CIRSR: variants seen among roughly 807,000 people sequenced by gnomAD.
The protein encoded by CIRSR is corepressor of RBPJ and splicing regulator.
the CIRSR span, chr2:174,380,505 G>T: frequency 1.3e-6 from 1 of 760,530 alleles, no homozygotes. Context: ...CAGATTAGTT[G>T]AATAAGACAG....
At chr2:174,353,790 T>C in the CIRSR span, among the ~76,000 whole-genome samples, 4 of 152,158 alleles carry the variant, frequency 2.6e-5, no homozygotes, top group Middle Eastern at 3.2e-3. Context: ...AAATGAATAA[T>C]AGAATGTTTA....
the CIRSR span, among the ~76,000 whole-genome samples, chr2:174,376,893 G>GT: frequency 6.6e-6 from 1 of 151,526 alleles, no homozygotes; most frequent in African/African-American, 2.4e-5. Context: ...TTATGGGCAT[G>GT]TTTTTTTGAG....
chr2:174,351,335 G>T, the CIRSR span, among the ~76,000 whole-genome samples: 4 of 152,124 alleles, frequency 2.6e-5, no homozygotes, highest in African/African-American at 9.7e-5. Context: ...TCAGGGGTAA[G>T]TTAGCAGGAA....
At chr2:174,364,102 G>A in the CIRSR span, among the ~76,000 whole-genome samples, 1 of 152,192 alleles carries the variant, frequency 6.6e-6, no homozygotes, top group South Asian at 2.1e-4. Context: ...TTCAGTGGGA[G>A]TACAGGTATT....
the CIRSR span, among the ~76,000 whole-genome samples, chr2:174,385,235 A>T: frequency 6.6e-6 from 1 of 151,514 alleles, no homozygotes; most frequent in Admixed American, 6.6e-5. Context: ...AAAAAAAAAA[A>T]AATTTTTTTT....
At chr2:174,388,943 C>T in the CIRSR span, among the ~76,000 whole-genome samples, 1 of 152,204 alleles carries the variant, frequency 6.6e-6, no homozygotes, top group South Asian at 2.1e-4. Flanking sequence ...TTTTGCTCAG[C>T]ACTTCTCCTC....
chr2:174,394,176 T>C, the CIRSR span, among the ~76,000 whole-genome samples: 15 of 152,352 alleles, frequency 9.8e-5, no homozygotes, highest in African/African-American at 3.4e-4. Context: ...AGCTGATACA[T>C]TGAAATTTAT....
At chr2:174,357,193 T>C in the CIRSR span, among the ~76,000 whole-genome samples, 4 of 152,214 alleles carry the variant, frequency 2.6e-5, no homozygotes, top group Admixed American at 6.5e-5. Flanking sequence ...TAATTTGTCC[T>C]GTAGATTTCC....
chr2:174,370,002 T>G, the CIRSR span: 1 of 1,365,438 alleles, frequency 7.3e-7, no homozygotes. Context: ...ACCTTCAATT[T>G]GTAACACAGC....
the CIRSR span, chr2:174,381,735 G>A: frequency 6.9e-6 from 11 of 1,595,582 alleles, no homozygotes; most frequent in Non-Finnish European, 9.4e-6. Context: ...CTTCATACAT[G>A]AAATTAAGGC....
the CIRSR span, among the ~76,000 whole-genome samples, chr2:174,354,746 TGTATATATA>T: frequency 2.9e-5 from 3 of 102,420 alleles, no homozygotes. Context: ...ATTTTACATA[TGTATATATA>T]TTATATATAT....
At chr2:174,364,772 G>A in the CIRSR span, among the ~76,000 whole-genome samples, 1 of 152,190 alleles carries the variant, frequency 6.6e-6, no homozygotes, top group African/African-American at 2.4e-5. Context: ...CTGGGACACA[G>A]GGCACCAGGT....
the CIRSR span, among the ~76,000 whole-genome samples, chr2:174,359,899 T>C: frequency 6.6e-6 from 1 of 152,250 alleles, no homozygotes; most frequent in East Asian, 1.9e-4. Flanking sequence ...GATGAGTTCA[T>C]GTCCTTTGTA....
chr2:174,394,897 T>C, the CIRSR span, among the ~76,000 whole-genome samples: 1 of 152,230 alleles, frequency 6.6e-6, no homozygotes, highest in African/African-American at 2.4e-5. Context: ...ATTAAGTCAA[T>C]CATCCTTAAT....
chr2:174,385,560 T>C, the CIRSR span, among the ~76,000 whole-genome samples: 1 of 152,096 alleles, frequency 6.6e-6, no homozygotes, highest in Non-Finnish European at 1.5e-5. Context: ...AACTGGTTGA[T>C]TCCAATGCTG....
the CIRSR span, among the ~76,000 whole-genome samples, chr2:174,388,897 C>T: frequency 6.6e-6 from 1 of 152,104 alleles, no homozygotes; most frequent in African/African-American, 2.4e-5. Context: ...GGTGAGTTCT[C>T]ACAAGATCTG....
the CIRSR span, among the ~76,000 whole-genome samples, chr2:174,389,360 C>T: frequency 6.6e-6 from 1 of 152,136 alleles, no homozygotes; most frequent in Non-Finnish European, 1.5e-5. Flanking sequence ...AGATGGGAAA[C>T]CTTTTGGGAA....
chr2:174,355,551 T>A, the CIRSR span, among the ~76,000 whole-genome samples: 3 of 152,180 alleles, frequency 2.0e-5, no homozygotes, highest in African/African-American at 7.2e-5. Flanking sequence ...TGGATAAGTA[T>A]CAAAATACCA....
chr2:174,379,168 A>T, the CIRSR span: 1 of 661,458 alleles, frequency 1.5e-6, no homozygotes, highest in Non-Finnish European at 2.6e-6. Context: ...AAAAGACTCC[A>T]AACTATGTTT....
Sources: gnomAD v4.1 joint callset for allele counts (sites outside exome capture counted in the v4.1 genomes callset) on GRCh38, gnomAD v4.1.1 for gene constraint, MANE v1.5 for transcripts, NCBI Gene and HGNC (gene_info 2026-07-23, HGNC 2026-07-21) for gene names.